FAM89A: variants seen among roughly 807,000 people sequenced by gnomAD.
FAM89A encodes the protein family with sequence similarity 89 member A.
A neutral mutation model predicts 7.1 loss-of-function variants in FAM89A; 10 were observed. The ratio of observed to expected loss-of-function variants is 1.40; its 90% CI spans 0.86 to 2.38. FAM89A has a LOEUF of 2.38. Ranked by LOEUF, FAM89A falls within the 30% of genes most tolerant of loss-of-function variation. The probability of loss-of-function intolerance (pLI) is 0.00; values close to 1 mark genes in which losing one functional copy is unlikely to be tolerated. For synonymous variants in FAM89A, 157 were observed against 129.3 expected (o/e 1.21, Z -1.45); for missense variants, 276 against 262.8 (o/e 1.05, Z -0.35).
chr1:231,023,341 G>A (rs569656022), intron 1 of FAM89A, among the ~76,000 whole-genome samples: 1 of 152,316 alleles, frequency 6.6e-6, no homozygotes, highest in Admixed American at 6.5e-5. Context: ...CAGGTAGGTG[G>A]GAGCCTCAGG....
intron 1 of FAM89A, among the ~76,000 whole-genome samples, chr1:231,029,802 T>C (rs1680038832): frequency 6.6e-6 from 1 of 152,216 alleles, no homozygotes; most frequent in African/African-American, 2.4e-5. Context: ...AGTAAGTATA[T>C]ACAGATGGCT....
chr1:231,029,491 C>CA (rs34339031), intron 1 of FAM89A, among the ~76,000 whole-genome samples: 16,535 of 146,640 alleles, frequency 0.11, 1,402 homozygotes, highest in African/African-American at 0.24. Flanking sequence ...GACCCTGTCT[C>CA]AAAAAAAAGA....
In FAM89A at chr1:231,040,004, C is replaced by T; in HGVS notation, c.208G>A (p.Gly70Ser). Residue 70 changes from glycine to serine, a missense_variant, in exon 1 of 2, where the codon GGC (glycine) becomes AGC (serine). By Grantham distance (56) the Gly-to-Ser change is moderately conservative (BLOSUM62 0). Coordinates refer to ENST00000366654, the MANE Select transcript of FAM89A (RefSeq NM_198552.3). ...GCTGCCGCCCGGGCCCCGCCGCCGC[C>T]CGGGCCCCCGCGGCTCAGCTCGTCC... ...IQDELSRGGP[G>S]GGGARAAALP... 2 of 1,409,146 alleles carry T rather than the reference C, an allele frequency of 1.4e-6. No homozygotes were observed. Among genetic ancestry groups the T allele is most frequent in the Admixed American group, 3.0e-5 (1 of 33,280 alleles). 87.3% of individuals were successfully genotyped at this position (1,409,146 alleles called of 1,614,324 possible).
Position 231,020,107 on chromosome 1 carries a change from T to C in FAM89A, c.311A>G (p.Asp104Gly). 1 of 1,610,836 alleles carries C rather than the reference T, an allele frequency of 6.2e-7. No homozygotes were observed. The highest frequency in any genetic ancestry group is 8.5e-7 in the Non-Finnish European group (1 of 1,177,656). ...RKEMVGLRQL[D>G]MSLLCQLYSL... The stretch of plus-strand genomic sequence containing the variant: ...GTACAGTTGGCAGAGCAAGGACATG[T>C]CCAGCTGGCGGAGACCAACCTTGAG... Residue 104 changes from aspartate (D) to glycine (G), a missense_variant, in exon 2 of 2, where the codon GAC becomes GGC. By Grantham distance (94) the Asp-to-Gly change is moderately conservative. Coordinates refer to ENST00000366654, the MANE Select transcript of FAM89A (RefSeq NM_198552.3).
chr1:231,029,987 G>A (rs1300823286), intron 1 of FAM89A, among the ~76,000 whole-genome samples: 1 of 152,186 alleles, frequency 6.6e-6, no homozygotes, highest in Admixed American at 6.6e-5. Context: ...TTTAGAAAAA[G>A]CCGAAGAGAG....
Position 231,020,047 on chromosome 1 carries a change from GC to G in FAM89A, c.370del (p.Ala124HisfsTer102). 2 of 1,614,048 alleles carry G rather than the reference GC, an allele frequency of 1.2e-6. No homozygotes were observed. The highest frequency in any genetic ancestry group is 8.5e-7 in the Non-Finnish European group (1 of 1,180,014). On this transcript the variant is annotated frameshift_variant, in exon 2 of 2. Coordinates refer to ENST00000366654, the MANE Select transcript of FAM89A (RefSeq NM_198552.3). LOFTEE classifies it low-confidence loss of function (END_TRUNC). ...LYESIQEYKG[A>X]CQAASSPDCT... Reference sequence around the variant, plus strand: ...GTCTGGGCTGGAGGCTGCCTGGCATGCCCCCTTGTACTCCTGAATCGACTCG... The same window carrying G: ...GTCTGGGCTGGAGGCTGCCTGGCATGCCCCTTGTACTCCTGAATCGACTCG...
chr1:231,023,358 CA>C (rs1174056370), intron 1 of FAM89A, among the ~76,000 whole-genome samples: 1 of 152,228 alleles, frequency 6.6e-6, no homozygotes, highest in Non-Finnish European at 1.5e-5. Flanking sequence ...CAGGTTCGCT[CA>C]GGGGCAGCAA....
At chr1:231,029,500 GA>G (rs113526940) in intron 1 of FAM89A, among the ~76,000 whole-genome samples, 319 of 139,278 alleles carry the variant, frequency 2.3e-3, no homozygotes, top group East Asian at 4.5e-3. Flanking sequence ...TCAAAAAAAA[GA>G]AAAAAAAAAA....
intron 1 of FAM89A, among the ~76,000 whole-genome samples, chr1:231,027,824 C>T (rs1476160592): frequency 6.6e-6 from 1 of 152,242 alleles, no homozygotes; most frequent in Non-Finnish European, 1.5e-5. Context: ...CGCCCTGTAC[C>T]TGATTCCCTC....
At position 231,019,599 on chromosome 1, in the gene FAM89A, C is replaced by G; in HGVS notation, c.*264G>C. The G allele has an allele frequency of 2.4e-6, 1 of 418,234 alleles. No homozygotes were observed. The highest frequency in any genetic ancestry group is 3.9e-5 in the South Asian group (1 of 25,342). 25.9% of individuals were successfully genotyped at this position (418,234 alleles called of 1,614,324 possible). A position where few individuals can be genotyped will look rare whatever the true frequency, so the allele number is the denominator to read the frequency against. ...CTTGTTATATTCTCATTATGAATCC[C>G]CAGCAGGTGCACCTCAATAAATAGG... On this transcript the variant is annotated 3_prime_UTR_variant, in exon 2 of 2. Transcript: ENST00000366654.
intron 1 of FAM89A, chr1:231,028,713 C>T (rs1187465291): frequency 1.3e-5 from 2 of 152,250 alleles, no homozygotes; most frequent in African/African-American, 4.8e-5. Flanking sequence ...AATTCAAGAA[C>T]AATCAGCAGC....
chr1:231,032,502 T>C (rs1321192058), intron 1 of FAM89A, among the ~76,000 whole-genome samples: 5 of 151,646 alleles, frequency 3.3e-5, no homozygotes, highest in African/African-American at 1.2e-4. Flanking sequence ...TGATACCTTA[T>C]TGTCTTAATG....
At position 231,019,935 on chromosome 1, in the gene FAM89A, T is replaced by C. The variant is rs200478626; in HGVS notation, c.483A>G (p.Arg161=). 1 of 1,613,974 alleles carries C rather than the reference T, an allele frequency of 6.2e-7. No individual in the cohort carries two copies. Among genetic ancestry groups the C allele is most frequent in the Non-Finnish European group, 8.5e-7 (1 of 1,179,956 alleles). Reference sequence around the variant, plus strand: ...GCAGTGACAAGTCCCGAGGAGGGCCTCGGTCCCTCCTGTCGTGCAGGGAGT... The same window carrying C: ...GCAGTGACAAGTCCCGAGGAGGGCCCCGGTCCCTCCTGTCGTGCAGGGAGT... The part of the protein sequence containing the change: ...EQNSLHDRRD[R]GPPRDLSLPV... The change falls in exon 2 of 2, where the codon CGA becomes CGG. Residue 161 remains arginine (R), a synonymous_variant. Transcript: ENST00000366654.
intron 1 of FAM89A, among the ~76,000 whole-genome samples, chr1:231,020,443 T>C (rs1463882989): frequency 6.6e-6 from 1 of 152,170 alleles, no homozygotes; most frequent in Non-Finnish European, 1.5e-5. Flanking sequence ...TGGCCCCACC[T>C]GCTTTCACTT....
intron 1 of FAM89A, among the ~76,000 whole-genome samples, chr1:231,035,412 G>A (rs1365556033): frequency 6.6e-6 from 1 of 152,148 alleles, no homozygotes; most frequent in East Asian, 1.9e-4. Flanking sequence ...CCAAATCAAA[G>A]CTACTAGACC....
intron 1 of FAM89A, among the ~76,000 whole-genome samples, chr1:231,030,553 G>C (rs1456444484): frequency 6.6e-6 from 1 of 152,060 alleles, no homozygotes; most frequent in African/African-American, 2.4e-5. Flanking sequence ...AAAAGCAATT[G>C]ACCATTTTCT....
rs142079828 is a variant in FAM89A at position 231,038,722 on chromosome 1, T to G, written c.291+1199A>C. Among the ~76,000 whole-genome samples the G allele has an allele frequency of 4.6e-4, 70 of 152,356 alleles. No individual in the cohort carries two copies. In the East Asian group the frequency reaches 0.013, roughly 28 times the overall value. Reference sequence around the variant, plus strand: ...AAGACAATATCTCTTTGATTAAAAGTGTTAAGGCTGCTTTCTGAATTCAAT... The same window carrying G: ...AAGACAATATCTCTTTGATTAAAAGGGTTAAGGCTGCTTTCTGAATTCAAT... On this transcript the variant is annotated intron_variant, in intron 1 of 1. Coordinates refer to ENST00000366654, the MANE Select transcript of FAM89A (RefSeq NM_198552.3).
At chr1:231,022,353 G>GC (rs1558253966) in intron 1 of FAM89A, among the ~76,000 whole-genome samples, 1 of 152,090 alleles carries the variant, frequency 6.6e-6, no homozygotes, top group African/African-American at 2.4e-5. Flanking sequence ...ATGCTATGGC[G>GC]CTGGACCCAG....
chr1:231,023,616 G>A (rs1315330626), intron 1 of FAM89A, among the ~76,000 whole-genome samples: 10 of 152,204 alleles, frequency 6.6e-5, no homozygotes, highest in Admixed American at 3.9e-4. Context: ...CACTTTAGAC[G>A]GGGCTGAAGG....
Sources: allele counts gnomAD v4.1 joint callset (sites outside exome capture counted in the v4.1 genomes callset), GRCh38; gene constraint gnomAD v4.1.1; transcripts MANE v1.5; gene names NCBI Gene and HGNC (gene_info 2026-07-23, HGNC 2026-07-21).